The following SDK1 variants were observed in gnomAD, a reference collection of about 807,000 sequenced individuals.
SDK1 encodes protein sidekick-1.
In SDK1, 157 loss-of-function variants were observed where a neutral mutation model predicts 245.5. The ratio of observed to expected loss-of-function variants is 0.64; its 90% CI spans 0.56 to 0.73. SDK1 has a LOEUF of 0.73. SDK1 is among the 30% of genes least tolerant of loss of function. The pLI, the probability that SDK1 is intolerant of heterozygous loss-of-function variation, is 0.00. For synonymous variants in SDK1, 1,647 were observed against 1,278.5 expected (o/e 1.29, Z -6.15); for missense variants, 3,583 against 3,002.3 (o/e 1.19, Z -4.52).
At chr7:3,424,897 A>C (rs973216443) in intron 1 of SDK1, among the ~76,000 whole-genome samples, 8 of 152,158 alleles carry the variant, frequency 5.3e-5, no homozygotes, top group Non-Finnish European at 1.2e-4. Flanking sequence ...ACCCTGTCTC[A>C]AAAAACAAAT....
rs571489844 is a variant in SDK1 at position 4,053,512 on chromosome 7, G to T, written c.2911+1682G>T. Among the ~76,000 whole-genome samples, 11 of 152,016 alleles carry T rather than the reference G, an allele frequency of 7.2e-5. No individual in the cohort carries two copies. In the East Asian group the frequency reaches 2.1e-3, roughly 29 times the overall value. ...TCCCTCCTCCCACAAATATGTTCAG[G>T]TCTCCCTCACTCAAAATCGGCAGCT... On this transcript the variant is annotated intron_variant, in intron 19 of 44. Transcript: ENST00000404826.
chr7:3,726,686 C>T (rs372097710), intron 4 of SDK1, among the ~76,000 whole-genome samples: 6 of 152,166 alleles, frequency 3.9e-5, no homozygotes, highest in African/African-American at 1.2e-4. Flanking sequence ...GAACATCAAC[C>T]ACTGTGTTCT....
At chr7:3,366,585 A>G (rs1364124535) in intron 1 of SDK1, among the ~76,000 whole-genome samples, 6 of 152,182 alleles carry the variant, frequency 3.9e-5, no homozygotes, top group Non-Finnish European at 8.8e-5. Context: ...TTTGCCAGAT[A>G]GGTGAGAAGT....
chr7:3,733,699 G>T (rs1056943865), intron 4 of SDK1, among the ~76,000 whole-genome samples: 5 of 152,168 alleles, frequency 3.3e-5, no homozygotes, highest in African/African-American at 1.2e-4. Context: ...ACAGATGTAT[G>T]AAATAAAGAG....
intron 1 of SDK1, among the ~76,000 whole-genome samples, chr7:3,336,823 GTC>G (rs1248324162): frequency 2.0e-5 from 3 of 152,178 alleles, no homozygotes; most frequent in Non-Finnish European, 2.9e-5. Context: ...CACCCCATCT[GTC>G]TGCAACAAGG....
intron 4 of SDK1, among the ~76,000 whole-genome samples, chr7:3,664,226 G>T (rs762669734): frequency 2.0e-5 from 3 of 152,074 alleles, no homozygotes; most frequent in Non-Finnish European, 4.4e-5. Flanking sequence ...CAAGTCAGAG[G>T]TGTGCGGAGG....
intron 28 of SDK1, among the ~76,000 whole-genome samples, chr7:4,133,468 T>C (rs1784985086): frequency 6.6e-6 from 1 of 152,126 alleles, no homozygotes; most frequent in Admixed American, 6.5e-5. Flanking sequence ...AGATAAGCCA[T>C]CTGAAAGAGG....
At chr7:3,340,679 C>T (rs1235487330) in intron 1 of SDK1, among the ~76,000 whole-genome samples, 1 of 150,942 alleles carries the variant, frequency 6.6e-6, no homozygotes, top group African/African-American at 2.4e-5. Context: ...AGGAGAATGG[C>T]ATGAACCTGG....
At chr7:3,565,831 T>G (rs774710373) in intron 1 of SDK1, among the ~76,000 whole-genome samples, 1 of 152,246 alleles carries the variant, frequency 6.6e-6, no homozygotes, top group Non-Finnish European at 1.5e-5. Context: ...AGTCTGTACA[T>G]ATTCAGTACA....
chr7:3,575,619 A>G (rs1286984936), intron 1 of SDK1, among the ~76,000 whole-genome samples: 1 of 152,138 alleles, frequency 6.6e-6, no homozygotes, highest in East Asian at 1.9e-4. Context: ...GAGAGAAACA[A>G]TGAAATTTCA....
intron 5 of SDK1, among the ~76,000 whole-genome samples, chr7:3,892,940 C>T (rs138668968): frequency 6.0e-4 from 92 of 152,282 alleles, no homozygotes; most frequent in Non-Finnish European, 1.0e-3. Flanking sequence ...TCTCTGCCAG[C>T]GCACTTCACA....
intron 41 of SDK1, among the ~76,000 whole-genome samples, chr7:4,233,956 C>T (rs926551861): frequency 3.3e-5 from 5 of 152,212 alleles, no homozygotes; most frequent in Non-Finnish European, 5.9e-5. Context: ...TGAGCATGAG[C>T]CACGTGGTGT....
At chr7:3,821,116 T>C (rs1256811562) in intron 4 of SDK1, among the ~76,000 whole-genome samples, 3 of 152,062 alleles carry the variant, frequency 2.0e-5, no homozygotes, top group Non-Finnish European at 4.4e-5. Flanking sequence ...TTCTAACTGG[T>C]CTTGTTATGC....
intron 4 of SDK1, among the ~76,000 whole-genome samples, chr7:3,651,719 A>G (rs1554302849): frequency 1.3e-5 from 2 of 152,228 alleles, no homozygotes; most frequent in Admixed American, 6.5e-5. Context: ...AAATCTATAC[A>G]TATTATGGTG....
Position 4,132,326 on chromosome 7 carries a change from C to T in SDK1, c.4131C>T (p.Ala1377=), listed in dbSNP as rs1377398135. ...AATCCCTGTGGTTTTTCCCTTCAGC[C>T]CCAGGCCCACCAGTGAGGCTCGTGT... ...PLILERTKDD[A]PGPPVRLVFP... The change falls in exon 28 of 45, where the codon GCC becomes GCT. Residue 1377 remains alanine, a splice_region_variant and synonymous_variant. Transcript: ENST00000404826. The T allele has an allele frequency of 1.2e-6, 2 of 1,609,896 alleles. No homozygotes were observed. Among genetic ancestry groups the T allele is most frequent in the South Asian group, 1.1e-5 (1 of 90,698 alleles).
intron 4 of SDK1, among the ~76,000 whole-genome samples, chr7:3,775,778 T>G (rs1040502873): frequency 1.3e-5 from 2 of 152,040 alleles, no homozygotes; most frequent in East Asian, 1.9e-4. Flanking sequence ...GGGTTTCACC[T>G]TGTTAGCCAG....
intron 1 of SDK1, among the ~76,000 whole-genome samples, chr7:3,463,185 T>G (rs1389625328): frequency 1.3e-5 from 2 of 152,254 alleles, no homozygotes; most frequent in Non-Finnish European, 2.9e-5. Context: ...TAGGCTTTGC[T>G]TATTCTTCAT....
chr7:3,498,922 G>A (rs1782107739), intron 1 of SDK1, among the ~76,000 whole-genome samples: 1 of 152,180 alleles, frequency 6.6e-6, no homozygotes, highest in Non-Finnish European at 1.5e-5. Flanking sequence ...ATAAGGGCAA[G>A]TAAGCATCAA....
intron 1 of SDK1, among the ~76,000 whole-genome samples, chr7:3,354,901 G>A (rs977383273): frequency 6.6e-6 from 1 of 152,210 alleles, no homozygotes; most frequent in African/African-American, 2.4e-5. Context: ...TCACTGCTGT[G>A]TAACAATAGA....
Sources: allele counts gnomAD v4.1 joint callset (sites outside exome capture counted in the v4.1 genomes callset), GRCh38; gene constraint gnomAD v4.1.1; transcripts MANE v1.5; gene names NCBI Gene and HGNC (gene_info 2026-07-23, HGNC 2026-07-21).